SEC24B: variants seen among roughly 807,000 people sequenced by gnomAD.
SEC24B encodes SEC24 homolog B, COPII component.
A neutral mutation model predicts 142.8 loss-of-function variants in SEC24B; 45 were observed. The ratio of observed to expected loss-of-function variants is 0.32; its 90% confidence interval spans 0.25 to 0.40. The LOEUF (loss-of-function observed/expected upper bound fraction) is 0.40. Ranked by LOEUF, SEC24B falls within the 10% of genes least tolerant of loss-of-function variation. The pLI, the probability that SEC24B is intolerant of heterozygous loss-of-function variation, is 1.00. For missense variants in SEC24B, 1,409 were observed against 1,526.8 expected, an observed-to-expected ratio of 0.92 and a Z score of 1.29; for synonymous variants, 574 against 568.2, an observed-to-expected ratio of 1.01 and a Z score of -0.15.
At chr4:109,523,286 A>AT (rs1723857157) in intron 14 of SEC24B, among the ~76,000 whole-genome samples, 1 of 152,098 alleles carries the variant, frequency 6.6e-6, no homozygotes, top group Non-Finnish European at 1.5e-5. Context: ...TCTGGCCAAC[A>AT]TTGCAAAACC....
At chr4:109,438,334 G>C (rs1320360538) in intron 1 of SEC24B, among the ~76,000 whole-genome samples, 1 of 152,028 alleles carries the variant, frequency 6.6e-6, no homozygotes, top group Non-Finnish European at 1.5e-5. Context: ...TTATTTTAGA[G>C]ACAGAATCTC....
chr4:109,468,897 G>T (rs1395951990), intron 2 of SEC24B, among the ~76,000 whole-genome samples: 2 of 152,036 alleles, frequency 1.3e-5, no homozygotes, highest in African/African-American at 4.8e-5. Context: ...CAGGATATAT[G>T]AATAAAGGAG....
chr4:109,535,028 CA>C (rs1725362552), intron 22 of SEC24B, among the ~76,000 whole-genome samples: 1 of 152,066 alleles, frequency 6.6e-6, no homozygotes, highest in Non-Finnish European at 1.5e-5. Context: ...GGACATACCA[CA>C]TTTTGATCAC....
intron 4 of SEC24B, among the ~76,000 whole-genome samples, chr4:109,490,409 A>G (rs975126411): frequency 3.9e-5 from 6 of 152,146 alleles, no homozygotes; most frequent in Admixed American, 3.9e-4. Context: ...ATGTAGTTTA[A>G]ACACCAGTTA....
intron 2 of SEC24B, among the ~76,000 whole-genome samples, chr4:109,471,700 T>C (rs77160208): frequency 0.015 from 2,247 of 152,284 alleles, 38 homozygotes; most frequent in African/African-American, 0.038. Flanking sequence ...TTCACTCACA[T>C]GTCTAGCAGT....
chr4:109,511,136 G>A (rs1271696057), intron 8 of SEC24B, among the ~76,000 whole-genome samples: 3 of 151,326 alleles, frequency 2.0e-5, no homozygotes, highest in South Asian at 2.1e-4. Flanking sequence ...CTATATATAT[G>A]TATATATATG....
chr4:109,442,701 C>T (rs1366947891), intron 1 of SEC24B, among the ~76,000 whole-genome samples: 1 of 152,030 alleles, frequency 6.6e-6, no homozygotes, highest in East Asian at 1.9e-4. Context: ...AATGATCATG[C>T]TATTATGGAA....
chr4:109,445,025 G>T (rs752783945), intron 1 of SEC24B, among the ~76,000 whole-genome samples: 2 of 151,968 alleles, frequency 1.3e-5, no homozygotes, highest in Non-Finnish European at 2.9e-5. Flanking sequence ...CTGGGGTCAG[G>T]TGATCCTCCC....
intron 1 of SEC24B, among the ~76,000 whole-genome samples, chr4:109,461,666 A>C (rs1561083721): frequency 6.6e-6 from 1 of 152,256 alleles, no homozygotes; most frequent in Non-Finnish European, 1.5e-5. Flanking sequence ...ATGGATATAC[A>C]GAGGATGCAT....
intron 1 of SEC24B, among the ~76,000 whole-genome samples, chr4:109,442,906 A>G (rs1255927698): frequency 6.6e-6 from 1 of 152,038 alleles, no homozygotes. Context: ...AGGTTTGGTA[A>G]CCTTTTTATG....
intron 3 of SEC24B, among the ~76,000 whole-genome samples, chr4:109,479,413 T>G (rs781444527): frequency 7.2e-5 from 11 of 152,194 alleles, no homozygotes; most frequent in Non-Finnish European, 1.5e-4. Context: ...ATATATTTGA[T>G]CTGTGTATCT....
chr4:109,514,043 A>C (rs936746425), intron 10 of SEC24B, among the ~76,000 whole-genome samples, 187 bp downstream of exon 10: 1 of 152,232 alleles, frequency 6.6e-6, no homozygotes, highest in South Asian at 2.1e-4. Context: ...ATCTCCTAGA[A>C]GGCTTTCTAT....
intron 22 of SEC24B, among the ~76,000 whole-genome samples, chr4:109,534,965 A>G (rs1280701941): frequency 1.3e-5 from 2 of 151,648 alleles, no homozygotes; most frequent in African/African-American, 4.8e-5. Flanking sequence ...GGTGTGAGCC[A>G]CGGTGCTTGG....
At chr4:109,492,013 C>A (rs939170041) in intron 5 of SEC24B, among the ~76,000 whole-genome samples, 1 of 152,030 alleles carries the variant, frequency 6.6e-6, no homozygotes, top group African/African-American at 2.4e-5. Context: ...GACAACTGTA[C>A]CTGATCTCTC....
At chr4:109,455,005 C>G (rs778638605) in intron 1 of SEC24B, among the ~76,000 whole-genome samples, 17 of 152,202 alleles carry the variant, frequency 1.1e-4, no homozygotes, top group Non-Finnish European at 1.9e-4. Context: ...GCATGGCTGT[C>G]CGTACTTTGT....
rs192051346 is a variant in SEC24B at position 109,437,950 on chromosome 4, C to T, written c.133+3948C>T. 8.6e-4 allele frequency among the ~76,000 whole-genome samples: 131 copies of T among 152,132 alleles called. 1 individual carries two copies. Among genetic ancestry groups the T allele is most frequent in the African/African-American group, 2.6e-3 (110 of 41,520 alleles). On this transcript the variant is annotated intron_variant, in intron 1 of 23. Coordinates refer to ENST00000265175, the MANE Select transcript of SEC24B (RefSeq NM_006323.5). ...CAAACGTTTTTTAAGATTTGTTTTTCCAAAGGATATTGTATATAGATCCCT... is the reference window on the plus strand; with the variant it reads ...CAAACGTTTTTTAAGATTTGTTTTTTCAAAGGATATTGTATATAGATCCCT...
At chr4:109,440,596 A>G (rs1728846726) in intron 1 of SEC24B, among the ~76,000 whole-genome samples, 1 of 152,226 alleles carries the variant, frequency 6.6e-6, no homozygotes, top group Non-Finnish European at 1.5e-5. Context: ...GCTTCAGAGT[A>G]TAATAATACC....
At chr4:109,522,085 T>G (rs1723688642) in intron 14 of SEC24B, among the ~76,000 whole-genome samples, 1 of 141,630 alleles carries the variant, frequency 7.1e-6, no homozygotes, top group Admixed American at 7.1e-5. Flanking sequence ...GGAGTCTTGC[T>G]CTGTCGCCCA....
In SEC24B at chr4:109,480,949, T is replaced by C. The variant is rs543159919; in HGVS notation, c.1061-728T>C. On this transcript the variant is annotated intron_variant, in intron 3 of 23. Coordinates refer to ENST00000265175, the MANE Select transcript of SEC24B (RefSeq NM_006323.5). Reference sequence around the variant, plus strand: ...GTTTATTGTGCCCTTTTCTACAGAATCTGCCTTCTGTTGGTATATTTCACA... The same window carrying C: ...GTTTATTGTGCCCTTTTCTACAGAACCTGCCTTCTGTTGGTATATTTCACA... 2.6e-5 allele frequency among the ~76,000 whole-genome samples: 4 copies of C among 152,322 alleles called. No homozygotes were observed. In the East Asian group the frequency reaches 7.7e-4, roughly 29 times the overall value.
Sources: gnomAD v4.1 joint callset for allele counts (sites outside exome capture counted in the v4.1 genomes callset) on GRCh38, gnomAD v4.1.1 for gene constraint, MANE v1.5 for transcripts, NCBI Gene and HGNC (gene_info 2026-07-23, HGNC 2026-07-21) for gene names.